The following DMD variants were observed in gnomAD, a reference collection of about 807,000 sequenced individuals.
DMD encodes mutant dystrophin.
Under a neutral mutation model 330.1 loss-of-function variants are expected in DMD, and 63 were observed. That is an observed-to-expected ratio of 0.19 (90% CI 0.16 to 0.24). The LOEUF (loss-of-function observed/expected upper bound fraction) is 0.24, where lower values mean the gene tolerates loss of function less well. Among genes scored for constraint, DMD ranks in the 10% least tolerant of loss-of-function variants. The pLI, the probability that DMD is intolerant of heterozygous loss-of-function variation, is 1.00. For synonymous variants in DMD, 1,223 were observed against 959.8 expected, an observed-to-expected ratio of 1.27 and a Z score of -5.07; for missense variants, 3,344 against 2,684.1, an observed-to-expected ratio of 1.25 and a Z score of -5.43.
chrX:31,277,062 CAAAT>C (rs993386707), intron 62 of DMD, among the ~76,000 whole-genome samples: 3 of 110,702 alleles, frequency 2.7e-5, no homozygotes, highest in African/African-American at 9.9e-5. Context: ...TTTTAATTGA[CAAAT>C]AAAAATTGTA....
At chrX:32,832,058 G>A (rs1387617019) in intron 4 of DMD, among the ~76,000 whole-genome samples, 1 of 110,826 alleles carries the variant, frequency 9.0e-6, no homozygotes, top group Non-Finnish European at 1.9e-5. Context: ...CAAAGGAATT[G>A]GTTCTCCCAG....
intron 62 of DMD, among the ~76,000 whole-genome samples, chrX:31,291,469 G>T (rs2053691722): frequency 8.9e-6 from 1 of 111,934 alleles, no homozygotes; most frequent in African/African-American, 3.2e-5. Flanking sequence ...CCCAGTTACA[G>T]TAGCAGGCTA....
At chrX:32,995,049 G>A (rs1303158633) in intron 2 of DMD, among the ~76,000 whole-genome samples, 1 of 111,703 alleles carries the variant, frequency 9.0e-6, no homozygotes, top group Non-Finnish European at 1.9e-5. Context: ...AGGCTGCAAT[G>A]AGCCGCAATG....
In DMD at chrX:31,729,782, C is replaced by T. The variant is rs761741300; in HGVS notation, c.7543-34G>A. On this transcript the variant is annotated intron_variant, in intron 51 of 78. Transcript: ENST00000357033. ...ACAAATATCCCTTAGTATCAGGGTT[C>T]TTCAGCGTTGTGTATTCCTTTTACA... is the stretch of plus-strand genomic sequence containing the variant. 3 of 1,087,436 alleles carry T rather than the reference C, an allele frequency of 2.8e-6. No individual in the cohort carries two copies. The Admixed American group carries it at 6.6e-5, about 24-fold the overall frequency. 89.6% of individuals were successfully genotyped at this position (1,087,436 alleles called of 1,213,427 possible).
intron 63 of DMD, among the ~76,000 whole-genome samples, chrX:31,240,216 C>A (rs2048112394): frequency 9.0e-6 from 1 of 111,120 alleles, no homozygotes; most frequent in Non-Finnish European, 1.9e-5. Flanking sequence ...AAAAAAACTC[C>A]AGGTTAATTA....
rs958905182 is a variant in DMD at position 31,359,125 on chromosome X, A to G, written c.9085-10491T>C. On this transcript the variant is annotated intron_variant, in intron 60 of 78. Coordinates refer to ENST00000357033, the MANE Select transcript of DMD (RefSeq NM_004006.3). ...GAAGCAGAAAAAATAAAAATAAATAAGAAAACAAGGGGATGGTCTTTAGTG... is the reference window on the plus strand; with the variant it reads ...GAAGCAGAAAAAATAAAAATAAATAGGAAAACAAGGGGATGGTCTTTAGTG... Among the ~76,000 whole-genome samples, 6 of 112,438 alleles carry G rather than the reference A, an allele frequency of 5.3e-5. No individual in the cohort carries two copies. The Admixed American group carries it at 5.7e-4, about 11-fold the overall frequency.
chrX:32,785,246 G>C (rs1415819581), intron 7 of DMD, among the ~76,000 whole-genome samples: 1 of 109,144 alleles, frequency 9.2e-6, no homozygotes, highest in Non-Finnish European at 1.9e-5. Context: ...GTACTCTGCA[G>C]AGTAAAAGAC....
At chrX:32,331,615 T>C (rs370935959) in intron 41 of DMD, among the ~76,000 whole-genome samples, 11 of 111,496 alleles carry the variant, frequency 9.9e-5, no homozygotes, top group African/African-American at 1.9e-4. Flanking sequence ...TGACAACACA[T>C]TGCATGATGA....
chrX:31,833,639 G>T (rs1373837138), intron 49 of DMD, among the ~76,000 whole-genome samples: 1 of 110,999 alleles, frequency 9.0e-6, no homozygotes. Context: ...TAAAGAAGTT[G>T]ACGAAGTGAA....
At chrX:32,234,673 C>G (rs1159295770) in intron 43 of DMD, among the ~76,000 whole-genome samples, 1 of 112,311 alleles carries the variant, frequency 8.9e-6, no homozygotes, top group Non-Finnish European at 1.9e-5. Flanking sequence ...TCCGATCCAT[C>G]CATCAATCAA....
chrX:32,174,766 T>G (rs1380816366), intron 44 of DMD, among the ~76,000 whole-genome samples: 1 of 111,623 alleles, frequency 9.0e-6, no homozygotes, highest in African/African-American at 3.3e-5. Flanking sequence ...TTTTTTTTTT[T>G]TCCTGGAAGG....
intron 2 of DMD, among the ~76,000 whole-genome samples, chrX:32,909,150 CAAAA>C (rs36075436): frequency 4.1e-3 from 283 of 68,231 alleles, no homozygotes; most frequent in African/African-American, 0.016. Flanking sequence ...TCTATATGAG[CAAAA>C]AAAAAAAAAA....
At chrX:32,682,022 G>C (rs2062462737) in intron 9 of DMD, among the ~76,000 whole-genome samples, 2 of 111,590 alleles carry the variant, frequency 1.8e-5, no homozygotes, top group Non-Finnish European at 3.8e-5. Flanking sequence ...AGTGTATCTG[G>C]AGCTGAGAAA....
At chrX:32,590,517 G>A (rs955812700) in intron 13 of DMD, among the ~76,000 whole-genome samples, 7 of 109,471 alleles carry the variant, frequency 6.4e-5, no homozygotes, top group Non-Finnish European at 1.3e-4. Flanking sequence ...CAATGTGGGT[G>A]GGCACCACCC....
At chrX:32,193,881 C>A (rs1006366139) in intron 44 of DMD, among the ~76,000 whole-genome samples, 21 of 111,630 alleles carry the variant, frequency 1.9e-4, no homozygotes, top group Non-Finnish European at 3.0e-4. Context: ...CAGCAACATA[C>A]CCACATCATT....
intron 55 of DMD, among the ~76,000 whole-genome samples, chrX:31,530,927 T>C (rs2147492542): frequency 1.2e-5 from 1 of 83,731 alleles, no homozygotes; most frequent in Admixed American, 1.5e-4. Context: ...TATGCGGTGT[T>C]TGGTTTTTTG....
chrX:33,284,377 GCATAGCCAAAAATTTATTAATTTTT>G (rs1219431940), intron 1 of DMD, among the ~76,000 whole-genome samples: 2 of 111,010 alleles, frequency 1.8e-5, no homozygotes, highest in African/African-American at 6.5e-5. Context: ...ACATAACAGT[GCATAGCCAAAAATTTATTAATTTTT>G]GGAACTTTTA....
intron 52 of DMD, among the ~76,000 whole-genome samples, chrX:31,688,875 G>C (rs1447147713): frequency 1.8e-5 from 2 of 111,086 alleles, no homozygotes; most frequent in East Asian, 2.8e-4. Flanking sequence ...AAACCACATG[G>C]TTATCTCAAT....
intron 61 of DMD, among the ~76,000 whole-genome samples, chrX:31,346,629 G>T (rs1347829130): frequency 9.0e-6 from 1 of 110,621 alleles, no homozygotes; most frequent in Non-Finnish European, 1.9e-5. Context: ...GTTAACCAAG[G>T]TTATTTCTCT....
Sources: allele counts gnomAD v4.1 joint callset (sites outside exome capture counted in the v4.1 genomes callset), GRCh38; gene constraint gnomAD v4.1.1; transcripts MANE v1.5; gene names NCBI Gene and HGNC (gene_info 2026-07-23, HGNC 2026-07-21).